Variants in PTPRD observed in about 807,000 individuals in gnomAD.
The protein encoded by PTPRD is receptor-type tyrosine-protein phosphatase delta.
PTPRD carries 34 observed loss-of-function variants against 214.5 expected under a neutral mutation model. The ratio of observed to expected loss-of-function variants is 0.16; its 90% CI spans 0.12 to 0.21. The LOEUF (loss-of-function observed/expected upper bound fraction) is 0.21, where lower values mean the gene tolerates loss of function less well. Among genes scored for constraint, PTPRD ranks in the 10% least tolerant of loss-of-function variants. The pLI is 1.00. For missense variants in PTPRD, 2,545 were observed against 2,398.7 expected, an observed-to-expected ratio of 1.06 and a Z score of -1.27; for synonymous variants, 1,128 against 845.7, an observed-to-expected ratio of 1.33 and a Z score of -5.79.
At chr9:8,750,490 C>T (rs1391883669) in intron 11 of PTPRD, among the ~76,000 whole-genome samples, 1 of 151,834 alleles carries the variant, frequency 6.6e-6, no homozygotes, top group Non-Finnish European at 1.5e-5. Context: ...CTGGTAAGTG[C>T]TCGAAAGAAA....
At chr9:10,520,312 A>G (rs1202883120) in intron 2 of PTPRD, among the ~76,000 whole-genome samples, 1 of 152,208 alleles carries the variant, frequency 6.6e-6, no homozygotes, top group Non-Finnish European at 1.5e-5. Flanking sequence ...ACATTTCCTT[A>G]AGCCAAGCCC....
intron 11 of PTPRD, among the ~76,000 whole-genome samples, chr9:8,846,325 G>A (rs189125980): frequency 6.6e-5 from 10 of 152,204 alleles, no homozygotes; most frequent in South Asian, 2.1e-4. Context: ...AATACTCAAC[G>A]ATAACATCCC....
At chr9:8,764,553 T>C (rs972178609) in intron 11 of PTPRD, among the ~76,000 whole-genome samples, 1 of 152,020 alleles carries the variant, frequency 6.6e-6, no homozygotes, top group Non-Finnish European at 1.5e-5. Context: ...ATCCCAGCAC[T>C]TAGGAAGGCC....
chr9:9,598,187 G>C (rs1381796176), intron 7 of PTPRD, among the ~76,000 whole-genome samples: 1 of 151,980 alleles, frequency 6.6e-6, no homozygotes, highest in Non-Finnish European at 1.5e-5. Flanking sequence ...AAGAATAAGA[G>C]TAAAGGGGTT....
At chr9:8,504,615 T>C (rs2097499214) in intron 22 of PTPRD, among the ~76,000 whole-genome samples, 1 of 152,146 alleles carries the variant, frequency 6.6e-6, no homozygotes, top group African/African-American at 2.4e-5. Context: ...CAAAGGTAAC[T>C]GGAATAAGGG....
At chr9:9,025,880 T>C (rs1380752316) in intron 10 of PTPRD, among the ~76,000 whole-genome samples, 1 of 152,070 alleles carries the variant, frequency 6.6e-6, no homozygotes, top group Non-Finnish European at 1.5e-5. Context: ...ATCATTTATT[T>C]ATTCAACACA....
chr9:9,700,377 A>G (rs1157500814), intron 7 of PTPRD, among the ~76,000 whole-genome samples: 1 of 152,136 alleles, frequency 6.6e-6, no homozygotes, highest in African/African-American at 2.4e-5. Flanking sequence ...ATACAAGACA[A>G]TATTTATATA....
At chr9:10,182,112 A>C (rs2099296432) in intron 3 of PTPRD, among the ~76,000 whole-genome samples, 1 of 149,778 alleles carries the variant, frequency 6.7e-6, no homozygotes, top group African/African-American at 2.4e-5. Flanking sequence ...AAAAAAAAAA[A>C]ATCCGGGTGT....
At chr9:10,602,481 G>A (rs4143534) in intron 2 of PTPRD, among the ~76,000 whole-genome samples, 1 of 151,704 alleles carries the variant, frequency 6.6e-6, no homozygotes, top group Non-Finnish European at 1.5e-5. Flanking sequence ...GTAATCTGAA[G>A]ATTAAACCAT....
At chr9:9,835,114 G>A (rs565311466) in intron 5 of PTPRD, among the ~76,000 whole-genome samples, 1 of 152,094 alleles carries the variant, frequency 6.6e-6, no homozygotes, top group Non-Finnish European at 1.5e-5. Flanking sequence ...TAGTACCAAA[G>A]CAGCAAGGAT....
chr9:8,474,566 A>T (rs1353194120), intron 30 of PTPRD, among the ~76,000 whole-genome samples: 1 of 152,174 alleles, frequency 6.6e-6, no homozygotes, highest in South Asian at 2.1e-4. Context: ...CAGCAACCCC[A>T]GTTAGGCCTT....
At chr9:8,607,650 A>C (rs188867330) in intron 14 of PTPRD, among the ~76,000 whole-genome samples, 2 of 152,156 alleles carry the variant, frequency 1.3e-5, no homozygotes, top group African/African-American at 2.4e-5. Flanking sequence ...CTCGGAAAAA[A>C]AATTAAAAAA....
At chr9:8,901,797 C>T (rs1279034096) in intron 11 of PTPRD, among the ~76,000 whole-genome samples, 1 of 152,246 alleles carries the variant, frequency 6.6e-6, no homozygotes, top group African/African-American at 2.4e-5. Context: ...TGTCCTTGGT[C>T]TGACTTTATA....
chr9:8,916,628 CCTT>C (rs2098788049), intron 11 of PTPRD, among the ~76,000 whole-genome samples: 1 of 152,094 alleles, frequency 6.6e-6, no homozygotes, highest in African/African-American at 2.4e-5. Flanking sequence ...GTAAAATTAT[CCTT>C]CTTTACTAAA....
At chr9:9,409,881 C>A (rs914803) in intron 8 of PTPRD, among the ~76,000 whole-genome samples, 39,693 of 151,808 alleles carry the variant, frequency 0.26, 5,832 homozygotes, top group African/African-American at 0.4. Flanking sequence ...ATACAGATAA[C>A]GATAAGAAAC....
At chr9:9,745,993 G>T (rs528037602) in intron 6 of PTPRD, among the ~76,000 whole-genome samples, 130 of 152,124 alleles carry the variant, frequency 8.5e-4, no homozygotes, top group Non-Finnish European at 1.1e-3. Flanking sequence ...GGGAAAAAAA[G>T]AACTCAATTA....
At chr9:8,597,728 C>T (rs1015362121) in intron 14 of PTPRD, among the ~76,000 whole-genome samples, 1 of 151,972 alleles carries the variant, frequency 6.6e-6, no homozygotes, top group African/African-American at 2.4e-5. Context: ...CACTGTGAGC[C>T]CTAGATGTAA....
intron 2 of PTPRD, among the ~76,000 whole-genome samples, chr9:10,540,965 G>A (rs1397590122): frequency 6.6e-6 from 1 of 152,050 alleles, no homozygotes; most frequent in Non-Finnish European, 1.5e-5. Flanking sequence ...AGCTTGCCTG[G>A]CTTTAGCTCC....
rs975516448 is a variant in PTPRD at position 9,523,026 on chromosome 9, T to A, written c.-237+51706A>T. ...AAACAACACTAATATTCACTATTTT[T>A]AAAAAGTGACCTAACTTAATCATAA... On this transcript the variant is annotated intron_variant, in intron 8 of 45. Coordinates refer to ENST00000381196, the MANE Select transcript of PTPRD (RefSeq NM_002839.4). 8.5e-5 allele frequency among the ~76,000 whole-genome samples: 13 copies of A among 152,166 alleles called. 1 individual carries two copies. The highest frequency in any genetic ancestry group is 2.9e-5 in the Non-Finnish European group (2 of 68,028).
Sources: allele counts gnomAD v4.1 joint callset (sites outside exome capture counted in the v4.1 genomes callset), GRCh38; gene constraint gnomAD v4.1.1; transcripts MANE v1.5; gene names NCBI Gene and HGNC (gene_info 2026-07-23, HGNC 2026-07-21).